ULK4: variants seen among roughly 807,000 people sequenced by gnomAD.
ULK4 encodes the protein inactive serine/threonine-protein kinase ULK4.
ULK4 carries 133 observed loss-of-function variants against 160.6 expected under a neutral mutation model. The observed-to-expected ratio is 0.83, with a 90% CI of 0.72 to 0.96. ULK4 has a LOEUF of 0.96. Ranked by LOEUF, ULK4 falls within the 40% of genes least tolerant of loss-of-function variation. The pLI is 0.00. For missense variants in ULK4, 1,580 were observed against 1,499.5 expected, an observed-to-expected ratio of 1.05 and a Z score of -0.89; for synonymous variants, 534 against 539.8, an observed-to-expected ratio of 0.99 and a Z score of 0.15.
In ULK4 at chr3:41,579,441, C is replaced by T. The variant is rs570226160; in HGVS notation, c.3121-13311G>A. ...GTTCCACAGATGCTAGCTCCAAAGG[C>T]CTCCCCATCACAAGGCAGCTATTCA... On this transcript the variant is annotated intron_variant, in intron 31 of 36. Coordinates refer to ENST00000301831, the MANE Select transcript of ULK4 (RefSeq NM_017886.4). Among the ~76,000 whole-genome samples, 5 of 151,370 alleles carry T rather than the reference C, an allele frequency of 3.3e-5. 1 individual carries two copies. Among genetic ancestry groups the T allele is most frequent in the African/African-American group, 1.2e-4 (5 of 41,284 alleles).
intron 35 of ULK4, among the ~76,000 whole-genome samples, chr3:41,311,349 G>A (rs1169512648): frequency 6.6e-6 from 1 of 152,104 alleles, no homozygotes; most frequent in Non-Finnish European, 1.5e-5. Context: ...TCAGCTACAA[G>A]CACAGCTAGA....
chr3:41,654,152 A>G (rs558151969), intron 30 of ULK4, among the ~76,000 whole-genome samples: 13 of 152,356 alleles, frequency 8.5e-5, no homozygotes, highest in East Asian at 1.9e-4. Flanking sequence ...TCACAAATCA[A>G]GAAATCCATT....
intron 25 of ULK4, among the ~76,000 whole-genome samples, chr3:41,708,216 G>T (rs2036972685): frequency 6.6e-6 from 1 of 151,586 alleles, no homozygotes; most frequent in Non-Finnish European, 1.5e-5. Flanking sequence ...AAATCAGTAT[G>T]TTGAAGAAAT....
At chr3:41,573,688 T>G (rs1309449064) in intron 31 of ULK4, among the ~76,000 whole-genome samples, 1 of 152,146 alleles carries the variant, frequency 6.6e-6, no homozygotes, top group Non-Finnish European at 1.5e-5. Context: ...GCACATCCTA[T>G]TCAACACACG....
chr3:41,542,826 C>T (rs2086740327), intron 32 of ULK4, among the ~76,000 whole-genome samples: 1 of 152,020 alleles, frequency 6.6e-6, no homozygotes, highest in African/African-American at 2.4e-5. Context: ...TTCTAGTATT[C>T]TCTGATAGTA....
Position 41,398,234 on chromosome 3 carries a change from C to G in ULK4, c.3523G>C (p.Val1175Leu). ...LPNEDPEIFD[V>L]SSKCLSILVQ... ...AGTATAGACAGGCACTTGGATGAAA[C>G]ATCAAAAATCTCAGGATCTTCATTA... The change falls in exon 35 of 37, where the codon GTT (valine) becomes CTT (leucine). Residue 1175 changes from valine (V) to leucine (L), a missense_variant. Val to Leu is a conservative substitution (Grantham distance 32, BLOSUM62 1). Transcript: ENST00000301831. 6.2e-7 allele frequency: 1 copy of G among 1,611,140 alleles called. No homozygotes were observed. The highest frequency in any genetic ancestry group is 8.5e-7 in the Non-Finnish European group (1 of 1,179,176).
At chr3:41,733,573 T>C (rs1002859338) in intron 22 of ULK4, among the ~76,000 whole-genome samples, 2 of 151,940 alleles carry the variant, frequency 1.3e-5, no homozygotes, top group East Asian at 1.9e-4. Context: ...TAAATATTTA[T>C]AAAAAGAGGT....
intron 30 of ULK4, among the ~76,000 whole-genome samples, chr3:41,645,340 A>G (rs1201747932): frequency 1.3e-5 from 2 of 151,306 alleles, no homozygotes; most frequent in Non-Finnish European, 2.9e-5. Context: ...ATTACTATAA[A>G]TTTCCCTCTA....
intron 35 of ULK4, among the ~76,000 whole-genome samples, chr3:41,297,189 T>G (rs1429088987): frequency 6.6e-6 from 1 of 152,260 alleles, no homozygotes; most frequent in South Asian, 2.1e-4. Flanking sequence ...GCGCCTGCTG[T>G]GCATCAGCAT....
At chr3:41,857,762 T>C (rs1270563596) in intron 17 of ULK4, among the ~76,000 whole-genome samples, 1 of 152,230 alleles carries the variant, frequency 6.6e-6, no homozygotes, top group Non-Finnish European at 1.5e-5. Context: ...ATAGTTGACA[T>C]AGCAGTCGCT....
intron 35 of ULK4, among the ~76,000 whole-genome samples, chr3:41,314,350 T>C (rs1320038328): frequency 6.6e-6 from 1 of 152,104 alleles, no homozygotes; most frequent in Non-Finnish European, 1.5e-5. Context: ...CAACCTTCAA[T>C]CCCTCTTTCC....
chr3:41,490,469 T>C lies in ULK4; in HGVS notation c.3227-27216A>G, dbSNP rs546807181. 3.3e-5 allele frequency among the ~76,000 whole-genome samples: 5 copies of C among 152,298 alleles called. No homozygotes were observed. The South Asian group carries it at 1.0e-3, about 32-fold the overall frequency. ...ACTGAAGTGCTCTTGCCTTCTTACA[T>C]TACTGACAGCCTCTGCTTCCCTCAA... On this transcript the variant is annotated intron_variant, in intron 32 of 36. Transcript: ENST00000301831.
chr3:41,899,301 C>A (rs922160063), intron 13 of ULK4: 1 of 152,130 alleles, frequency 6.6e-6, no homozygotes, highest in African/African-American at 2.4e-5. Flanking sequence ...ATACTACAGA[C>A]CTATAAGATG....
chr3:41,497,529 T>G (rs2085038275), intron 32 of ULK4, among the ~76,000 whole-genome samples: 1 of 152,094 alleles, frequency 6.6e-6, no homozygotes, highest in African/African-American at 2.4e-5. Flanking sequence ...AATGTATTCT[T>G]GCAAATTCAA....
rs1212538833 is a variant in ULK4, at chr3:41,764,621, C to T, written c.2194-10133G>A. Among the ~76,000 whole-genome samples the T allele has an allele frequency of 2.0e-5, 3 of 152,258 alleles. No individual in the cohort carries two copies. In the East Asian group the frequency reaches 5.8e-4, roughly 29 times the overall value. On this transcript the variant is annotated intron_variant, in intron 21 of 36. Transcript: ENST00000301831. ...TGTAGGACTTAGACAAACAAAACTACAGATTTTTATTGAGTGATAATAGTG... is the reference window on the plus strand; with the variant it reads ...TGTAGGACTTAGACAAACAAAACTATAGATTTTTATTGAGTGATAATAGTG...
At chr3:41,772,440 A>G (rs1031024285) in intron 21 of ULK4, among the ~76,000 whole-genome samples, 1 of 151,992 alleles carries the variant, frequency 6.6e-6, no homozygotes, top group East Asian at 1.9e-4. Flanking sequence ...TACTATAAAC[A>G]CCTCTACGCA....
chr3:41,586,157 A>T (rs2030783085), intron 31 of ULK4, among the ~76,000 whole-genome samples: 1 of 152,234 alleles, frequency 6.6e-6, no homozygotes, highest in Non-Finnish European at 1.5e-5. Flanking sequence ...GTATATATCC[A>T]AAAGAATTCA....
chr3:41,533,730 T>A (rs2086399294), intron 32 of ULK4, among the ~76,000 whole-genome samples: 1 of 152,190 alleles, frequency 6.6e-6, no homozygotes, highest in South Asian at 2.1e-4. Context: ...GCAGGAAAAG[T>A]TCGTCAGCCC....
Position 41,696,653 on chromosome 3 carries a change from C to T in ULK4, c.2781+8404G>A, listed in dbSNP as rs530053581. 9.9e-5 allele frequency among the ~76,000 whole-genome samples: 15 copies of T among 152,208 alleles called. No homozygotes were observed. The South Asian group carries it at 3.1e-3, about 32-fold the overall frequency. ...TCCACACACGGCAAGAAAAACCCACCGACCCTGTGGGGCTGGTCCCTATAG... is the reference window on the plus strand; with the variant it reads ...TCCACACACGGCAAGAAAAACCCACTGACCCTGTGGGGCTGGTCCCTATAG... On this transcript the variant is annotated intron_variant, in intron 27 of 36. Coordinates refer to ENST00000301831, the MANE Select transcript of ULK4 (RefSeq NM_017886.4).
Sources: allele counts gnomAD v4.1 joint callset (sites outside exome capture counted in the v4.1 genomes callset), GRCh38; gene constraint gnomAD v4.1.1; transcripts MANE v1.5; gene names NCBI Gene and HGNC (gene_info 2026-07-23, HGNC 2026-07-21).